The following DGKH variants were observed in gnomAD, a reference collection of about 807,000 sequenced individuals.
DGKH encodes DAG kinase eta.
In DGKH, 90 loss-of-function variants were observed where a neutral mutation model predicts 159.3. The ratio of observed to expected loss-of-function variants is 0.57; its 90% CI spans 0.48 to 0.67. The LOEUF is 0.67. Ranked by LOEUF, DGKH falls within the 30% of genes least tolerant of loss-of-function variation. The pLI is 0.00. For missense variants in DGKH, 1,181 were observed against 1,506.1 expected (o/e 0.78, Z 3.57); for synonymous variants, 536 against 553.8 (o/e 0.97, Z 0.45).
At chr13:42,102,198 A>T (rs114610691) in intron 1 of DGKH, among the ~76,000 whole-genome samples, 190 of 152,340 alleles carry the variant, frequency 1.2e-3, no homozygotes, top group African/African-American at 4.2e-3. Context: ...TGTCCTCTGG[A>T]GGCTGTGGAG....
intron 20 of DGKH, among the ~76,000 whole-genome samples, chr13:42,204,730 G>A (rs1957422926): frequency 6.6e-6 from 1 of 152,150 alleles, no homozygotes. Flanking sequence ...AGTGTTTGCT[G>A]GTCTCTGCCC....
chr13:42,063,948 A>AAT (rs57230220), intron 1 of DGKH, among the ~76,000 whole-genome samples: 2,917 of 128,780 alleles, frequency 0.023, 99 homozygotes, highest in African/African-American at 0.069. Flanking sequence ...TGAAAAAAAA[A>AAT]ATATATATAT....
At chr13:42,206,789 T>C (rs1260014374) in intron 21 of DGKH, among the ~76,000 whole-genome samples, 2 of 152,108 alleles carry the variant, frequency 1.3e-5, no homozygotes, top group Non-Finnish European at 2.9e-5. Flanking sequence ...TGTGATTACA[T>C]TGGGCCCACC....
chr13:42,154,903 T>C (rs929559867), intron 3 of DGKH, among the ~76,000 whole-genome samples: 3 of 152,134 alleles, frequency 2.0e-5, no homozygotes, highest in African/African-American at 7.2e-5. Flanking sequence ...AGAAATCATT[T>C]AATATTGCAT....
Position 42,236,431 on chromosome 13 carries a change from T to C in DGKH, c.*7243T>C, listed in dbSNP as rs1958414025. 1 of 152,202 alleles carries C rather than the reference T, an allele frequency of 6.6e-6. No individual in the cohort carries two copies. Among genetic ancestry groups the C allele is most frequent in the Admixed American group, 6.5e-5 (1 of 15,286 alleles). 9.4% of individuals were successfully genotyped at this position (152,202 alleles called of 1,614,324 possible). ...AAATAAGTTTCATGTTTAAAATAAA[T>C]ATTTTTTTAAAATATAAAGCCAAAA... On this transcript the variant is annotated 3_prime_UTR_variant, in exon 30 of 30. Coordinates refer to ENST00000337343, the MANE Select transcript of DGKH (RefSeq NM_178009.5).
chr13:42,129,702 G>A (rs1477340000), intron 3 of DGKH, 70 bp downstream of exon 3: 9 of 1,393,918 alleles, frequency 6.5e-6, no homozygotes, highest in African/African-American at 1.4e-5. Flanking sequence ...TGTACAGAAT[G>A]CCCTGTTCAA....
intron 1 of DGKH, among the ~76,000 whole-genome samples, chr13:42,078,818 A>G (rs1954145659): frequency 6.6e-6 from 1 of 151,600 alleles, no homozygotes; most frequent in Non-Finnish European, 1.5e-5. Context: ...TACAATAGAT[A>G]TTTTAAAAGT....
At chr13:42,146,605 G>A (rs577703059) in intron 3 of DGKH, among the ~76,000 whole-genome samples, 1 of 152,230 alleles carries the variant, frequency 6.6e-6, no homozygotes, top group Non-Finnish European at 1.5e-5. Context: ...AGTTCTGTCT[G>A]TAACAATACA....
Position 42,214,632 on chromosome 13 carries a change from T to G in DGKH, c.3120+20T>G. On this transcript the variant is annotated intron_variant, in intron 25 of 29. Transcript: ENST00000337343. ...CCGGAGGTGAGGATCTAATGGTAAA[T>G]TCTCATTCCACAGATTCTTTTGGGT... 6.2e-7 allele frequency: 1 copy of G among 1,607,220 alleles called. No homozygotes were observed. Among genetic ancestry groups the G allele is most frequent in the Non-Finnish European group, 8.5e-7 (1 of 1,177,214 alleles).
intron 7 of DGKH, among the ~76,000 whole-genome samples, chr13:42,164,769 C>T (rs1190156908): frequency 6.6e-6 from 1 of 152,088 alleles, no homozygotes; most frequent in East Asian, 1.9e-4. Context: ...GGCAGCAGTC[C>T]AGCTGAGAAA....
At chr13:42,227,961 T>C (rs1182821059) in intron 29 of DGKH, among the ~76,000 whole-genome samples, 1 of 152,198 alleles carries the variant, frequency 6.6e-6, no homozygotes, top group Non-Finnish European at 1.5e-5. Context: ...TTTTAGGCCA[T>C]TTTGGAAGTC....
intron 7 of DGKH, 95 bp downstream of exon 7, chr13:42,160,231 CAG>C (rs1262838740): frequency 4.5e-6 from 7 of 1,541,918 alleles, no homozygotes; most frequent in Non-Finnish European, 6.2e-6. Flanking sequence ...GAATTTATGA[CAG>C]AGCTGAACCT....
chr13:42,104,296 T>C (rs1954707100), intron 1 of DGKH, among the ~76,000 whole-genome samples: 1 of 152,162 alleles, frequency 6.6e-6, no homozygotes, highest in Non-Finnish European at 1.5e-5. Flanking sequence ...TTGTCTTTGC[T>C]TGGGCTAAAA....
rs1204054203 is a variant in DGKH at position 42,236,502 on chromosome 13, G to A, written c.*7314G>A. The A allele has an allele frequency of 6.6e-6, 1 of 152,196 alleles. No individual in the cohort carries two copies. Among genetic ancestry groups the A allele is most frequent in the Admixed American group, 6.5e-5 (1 of 15,274 alleles). The allele number at this position is 152,196 out of a possible 1,614,324, so 9.4% of individuals were successfully genotyped here. ...ATTTAATGTAGCCAAGGGATTCAGTGTGTTATATTTTGCCAATATGTATTT... is the reference window on the plus strand; with the variant it reads ...ATTTAATGTAGCCAAGGGATTCAGTATGTTATATTTTGCCAATATGTATTT... On this transcript the variant is annotated 3_prime_UTR_variant, in exon 30 of 30. Coordinates refer to ENST00000337343, the MANE Select transcript of DGKH (RefSeq NM_178009.5).
intron 1 of DGKH, among the ~76,000 whole-genome samples, chr13:42,052,995 G>A (rs67272128): frequency 0.14 from 21,727 of 151,940 alleles, 1,766 homozygotes; most frequent in Non-Finnish European, 0.19. Context: ...TCTAAATTTA[G>A]GTAAAACATA....
At chr13:42,222,056 A>G (rs1394636247) in intron 29 of DGKH, among the ~76,000 whole-genome samples, 2 of 152,214 alleles carry the variant, frequency 1.3e-5, no homozygotes, top group Non-Finnish European at 2.9e-5. Context: ...TGAATTGACG[A>G]TAGAGAAAAC....
At chr13:42,148,022 A>AG (rs1209577992) in intron 3 of DGKH, among the ~76,000 whole-genome samples, 1 of 152,210 alleles carries the variant, frequency 6.6e-6, no homozygotes, top group African/African-American at 2.4e-5. Context: ...TCTTAAGGGG[A>AG]GAAAAAGTGA....
At chr13:42,073,670 T>C (rs1395559476) in intron 1 of DGKH, among the ~76,000 whole-genome samples, 2 of 152,242 alleles carry the variant, frequency 1.3e-5, no homozygotes, top group Non-Finnish European at 1.5e-5. Flanking sequence ...CAGCTTATGA[T>C]ATTTTTAGCT....
chr13:42,151,505 G>GTA (rs1313067570), intron 3 of DGKH, among the ~76,000 whole-genome samples: 71 of 79,256 alleles, frequency 9.0e-4, no homozygotes, highest in African/African-American at 3.4e-3. Flanking sequence ...GTGTGTGTGT[G>GTA]TATACACATG....
Sources: allele counts gnomAD v4.1 joint callset (sites outside exome capture counted in the v4.1 genomes callset), GRCh38; gene constraint gnomAD v4.1.1; transcripts MANE v1.5; gene names NCBI Gene and HGNC (gene_info 2026-07-23, HGNC 2026-07-21).